PID1: variants seen among roughly 807,000 people sequenced by gnomAD.
PID1 encodes PTB-containing, cubilin and LRP1-interacting protein.
In PID1, 10 loss-of-function variants were observed where a neutral mutation model predicts 19.1. That is an observed-to-expected ratio of 0.52 (90% CI 0.32 to 0.89). PID1 has a LOEUF of 0.89. Ranked by LOEUF, PID1 falls within the 40% of genes least tolerant of loss-of-function variation. The probability of loss-of-function intolerance (pLI) is 0.03; values close to 1 mark genes in which losing one functional copy is unlikely to be tolerated. For synonymous variants in PID1, 130 were observed against 116.0 expected, an observed-to-expected ratio of 1.12 and a Z score of -0.78; for missense variants, 248 against 285.3, an observed-to-expected ratio of 0.87 and a Z score of 0.94.
At chr2:229,126,340 G>T (rs1326176333) in intron 2 of PID1, among the ~76,000 whole-genome samples, 1 of 151,966 alleles carries the variant, frequency 6.6e-6, no homozygotes, top group African/African-American at 2.4e-5. Context: ...CAGGTCTGGA[G>T]GTAATTTAAC....
intron 2 of PID1, among the ~76,000 whole-genome samples, chr2:229,077,684 C>T (rs1467179671): frequency 7.2e-5 from 11 of 152,130 alleles, no homozygotes; most frequent in Non-Finnish European, 1.0e-4. Flanking sequence ...TGTCAAAGAT[C>T]AGATGGTTGT....
chr2:229,060,457 T>G (rs1694188447), intron 2 of PID1, among the ~76,000 whole-genome samples: 1 of 152,208 alleles, frequency 6.6e-6, no homozygotes, highest in Non-Finnish European at 1.5e-5. Context: ...ACTGCCTTCC[T>G]CTTAAAGGCT....
intron 1 of PID1, among the ~76,000 whole-genome samples, chr2:229,160,325 G>T (rs138706496): frequency 6.6e-6 from 1 of 151,968 alleles, no homozygotes; most frequent in Admixed American, 6.6e-5. Flanking sequence ...TTGCTTGGCT[G>T]GGGAGCCAAG....
intron 1 of PID1, among the ~76,000 whole-genome samples, chr2:229,169,166 T>G (rs537773793): frequency 6.6e-6 from 1 of 152,202 alleles, no homozygotes; most frequent in Non-Finnish European, 1.5e-5. Context: ...ACAATTGACT[T>G]TTAAAAATGT....
chr2:229,084,570 A>G (rs946338277), intron 2 of PID1, among the ~76,000 whole-genome samples: 1 of 152,184 alleles, frequency 6.6e-6, no homozygotes, highest in African/African-American at 2.4e-5. Flanking sequence ...TTTCTTTTCT[A>G]TGCTTCAAAT....
intron 1 of PID1, among the ~76,000 whole-genome samples, chr2:229,212,490 T>C (rs1691759597): frequency 6.6e-6 from 1 of 152,194 alleles, no homozygotes; most frequent in African/African-American, 2.4e-5. Context: ...GGACTCTGTG[T>C]TCTATCTAGA....
intron 2 of PID1, among the ~76,000 whole-genome samples, chr2:229,060,831 T>C (rs183253287): frequency 2.6e-5 from 4 of 152,108 alleles, no homozygotes; most frequent in East Asian, 1.9e-4. Context: ...TTATATTTCA[T>C]TGTGGTTTTA....
At chr2:229,184,802 C>T (rs367897510) in intron 1 of PID1, among the ~76,000 whole-genome samples, 4 of 13,096 alleles carry the variant, frequency 3.1e-4, no homozygotes, top group African/African-American at 2.1e-3. Flanking sequence ...ATATATATCC[C>T]GTATATATAT....
At chr2:229,129,676 C>T (rs1559246635) in intron 2 of PID1, among the ~76,000 whole-genome samples, 1 of 152,150 alleles carries the variant, frequency 6.6e-6, no homozygotes, top group Non-Finnish European at 1.5e-5. Context: ...TCAAGAAGCA[C>T]ATTTCTAGCA....
intron 2 of PID1, among the ~76,000 whole-genome samples, chr2:229,122,573 G>A (rs1301963067): frequency 6.6e-6 from 1 of 152,104 alleles, no homozygotes; most frequent in Non-Finnish European, 1.5e-5. Context: ...ATTTGATAAA[G>A]CTCTAGGTGG....
intron 1 of PID1, among the ~76,000 whole-genome samples, chr2:229,255,913 G>C (rs1559305074): frequency 6.6e-6 from 1 of 152,216 alleles, no homozygotes; most frequent in African/African-American, 2.4e-5. Flanking sequence ...AGAGGGGACA[G>C]AAGTTGGCCT....
chr2:229,129,374 A>C (rs1689669244), intron 2 of PID1, among the ~76,000 whole-genome samples: 1 of 149,550 alleles, frequency 6.7e-6, no homozygotes, highest in Admixed American at 6.8e-5. Flanking sequence ...AGATTGCGCC[A>C]CTGCACCCCA....
rs1364967420 is a variant in PID1, at chr2:229,025,717, A to G, written c.569T>C (p.Phe190Ser). ...CCGCCCGTCGCTCTTCATACTGTGG[A>G]AAGTCTTCCTGAAGGCCTCCATCAT... The part of the protein sequence containing the change: ...HAMMEAFRKT[F>S]HSMKSDGRIH... The change falls in exon 3 of 3, where the codon TTC (phenylalanine) becomes TCC (serine). Residue 190 changes from phenylalanine (F) to serine (S), a missense_variant. Coordinates refer to ENST00000392055, the MANE Select transcript of PID1 (RefSeq NM_001100818.2). 3 of 1,614,118 alleles carry G rather than the reference A, an allele frequency of 1.9e-6. No individual in the cohort carries two copies. The Admixed American group carries it at 5.0e-5, about 27-fold the overall frequency.
rs551322268 is a variant in PID1 at position 229,056,663 on chromosome 2, C to CT, written c.178-30556dup. Among the ~76,000 whole-genome samples the CT allele has an allele frequency of 6.2e-4, 63 of 101,734 alleles. No individual in the cohort carries two copies. In the South Asian group the frequency reaches 0.018, roughly 29 times the overall value. The allele number at this position is 101,734 out of a possible 152,430, so 66.7% of individuals were successfully genotyped here. Reference sequence around the variant, plus strand: ...ACTATAGCCCTTTCACCCGATTTGGCTTTTTTTCCCTCCCTTCCCAATGCA... The same window carrying CT: ...ACTATAGCCCTTTCACCCGATTTGGCTTTTTTTTCCCTCCCTTCCCAATGCA... On this transcript the variant is annotated intron_variant, in intron 2 of 2. Coordinates refer to ENST00000392055, the MANE Select transcript of PID1 (RefSeq NM_001100818.2).
At chr2:229,138,980 GAAGAAAGA>G (rs1176284832) in intron 2 of PID1, among the ~76,000 whole-genome samples, 1,368 of 66,952 alleles carry the variant, frequency 0.02, 75 homozygotes, top group Middle Eastern at 0.054. Context: ...GAAAAAAATA[GAAGAAAGA>G]AAGAAAGAAA....
chr2:229,071,350 T>C (rs1216827896), intron 2 of PID1, among the ~76,000 whole-genome samples: 2 of 152,230 alleles, frequency 1.3e-5, no homozygotes, highest in African/African-American at 4.8e-5. Flanking sequence ...AATTTTTCTT[T>C]GTCCAGGTGT....
intron 1 of PID1, among the ~76,000 whole-genome samples, chr2:229,220,297 T>C (rs1159723148): frequency 6.6e-6 from 1 of 152,182 alleles, no homozygotes; most frequent in Non-Finnish European, 1.5e-5. Flanking sequence ...GTGACTTGTC[T>C]AGAACTAGCA....
chr2:229,195,370 C>T lies in PID1; in HGVS notation c.31-39406G>A, dbSNP rs116424210. Among the ~76,000 whole-genome samples, 589 of 151,718 alleles carry T rather than the reference C, an allele frequency of 3.9e-3. 3 individuals are homozygous for T. The highest frequency in any genetic ancestry group is 0.014 in the African/African-American group (565 of 41,446). On this transcript the variant is annotated intron_variant, in intron 1 of 2. Coordinates refer to ENST00000392055, the MANE Select transcript of PID1 (RefSeq NM_001100818.2). ...ACACACACATGCACATACACACATACATATAAACACACATGTATATACATA... is the reference window on the plus strand; with the variant it reads ...ACACACACATGCACATACACACATATATATAAACACACATGTATATACATA...
At chr2:229,228,737 A>T (rs35940968) in intron 1 of PID1, among the ~76,000 whole-genome samples, 81,757 of 151,342 alleles carry the variant, frequency 0.54, 22,683 homozygotes, top group African/African-American at 0.63. Context: ...ACAAAAAGGT[A>T]TCTGCTAAAA....
Sources: allele counts gnomAD v4.1 joint callset (sites outside exome capture counted in the v4.1 genomes callset), GRCh38; gene constraint gnomAD v4.1.1; transcripts MANE v1.5; gene names NCBI Gene and HGNC (gene_info 2026-07-23, HGNC 2026-07-21).